The following SMTN variants were observed in gnomAD, a reference collection of about 807,000 sequenced individuals.
SMTN encodes smoothelin.
A neutral mutation model predicts 102.0 loss-of-function variants in SMTN; 58 were observed. That is an observed-to-expected ratio of 0.57 (90% CI 0.46 to 0.71). The LOEUF (loss-of-function observed/expected upper bound fraction) is 0.71, where lower values mean the gene tolerates loss of function less well. Among genes scored for constraint, SMTN ranks in the 30% least tolerant of loss-of-function variants. SMTN has a pLI of 0.00. For missense variants in SMTN, 1,185 were observed against 1,241.7 expected (o/e 0.95, Z 0.69); for synonymous variants, 478 against 497.9 (o/e 0.96, Z 0.53).
upstream of SMTN, among the ~76,000 whole-genome samples, chr22:31,078,356 T>C (rs1304257045): frequency 6.6e-6 from 1 of 152,150 alleles, no homozygotes; most frequent in Non-Finnish European, 1.5e-5. Flanking sequence ...TGGAGCAAAA[T>C]ATTACCCCTA....
At chr22:31,078,804 G>A (rs2077235456), upstream of SMTN, among the ~76,000 whole-genome samples, 1 of 152,180 alleles carries the variant, frequency 6.6e-6, no homozygotes, top group African/African-American at 2.4e-5. Flanking sequence ...GCTTGAGCCA[G>A]GAGTTTGAGG....
rs776664016 is a variant in SMTN at position 31,090,036 on chromosome 22, G to A, written c.792+17G>A. 1.7e-5 allele frequency: 27 copies of A among 1,610,090 alleles called. No individual in the cohort carries two copies. Among genetic ancestry groups the A allele is most frequent in the Non-Finnish European group, 2.1e-5 (25 of 1,177,512 alleles). On this transcript the variant is annotated intron_variant, in intron 7 of 20. Coordinates refer to ENST00000333137, the MANE Select transcript of SMTN (RefSeq NM_134269.3). Reference sequence around the variant, plus strand: ...GTCAACAAGGTGAGTCTGGATGAGGGGCAGGGATGCCAGGCAAGTGAGCAG... The same window carrying A: ...GTCAACAAGGTGAGTCTGGATGAGGAGCAGGGATGCCAGGCAAGTGAGCAG...
At chr22:31,064,864 A>G (rs186261216) in intron 1 of SMTN, 24 of 152,324 alleles carry the variant, frequency 1.6e-4, no homozygotes, top group Admixed American at 1.4e-3. Context: ...GAACCAGGAA[A>G]TTAACACTGG....
Position 31,095,917 on chromosome 22 carries a change from C to G in SMTN, c.1861+308C>G. ...CAGTTGCCTCTCAAAGTACTGTCAA[C>G]GACTCCTTCCCTGAATCCAGATACT... On this transcript the variant is annotated intron_variant, in intron 13 of 20. Transcript: ENST00000333137. The surrounding 1 kb of genome is among the most constrained non-coding windows in gnomAD (Gnocchi z 4.1). The G allele has an allele frequency of 4.5e-6, 2 of 446,664 alleles. No individual in the cohort carries two copies. The highest frequency in any genetic ancestry group is 2.3e-5 in the South Asian group (1 of 43,046). The allele number at this position is 446,664 out of a possible 1,614,324, so 27.7% of individuals were successfully genotyped here.
intron 3 of SMTN, 148 bp from the exon 4 acceptor site, chr22:31,088,365 A>G: frequency 2.5e-6 from 2 of 789,512 alleles, no homozygotes; most frequent in Admixed American, 2.3e-5. Flanking sequence ...CCATGGGCAT[A>G]TGTGTATCAG....
chr22:31,087,031 C>A (rs887384290), intron 2 of SMTN: 3 of 152,228 alleles, frequency 2.0e-5, no homozygotes, highest in Non-Finnish European at 2.9e-5. Flanking sequence ...TACTGGCTCC[C>A]GTCTGGTTAT....
chr22:31,078,957 C>T (rs910272476), upstream of SMTN, among the ~76,000 whole-genome samples: 1 of 152,138 alleles, frequency 6.6e-6, no homozygotes, highest in African/African-American at 2.4e-5. Flanking sequence ...CCAGAGCTTC[C>T]CCCATCCTAG....
chr22:31,070,848 C>T (rs563133276), intron 1 of SMTN, among the ~76,000 whole-genome samples: 3 of 150,032 alleles, frequency 2.0e-5, no homozygotes, highest in South Asian at 2.1e-4. Context: ...TGCTTGAACC[C>T]GGGAAGCAGA....
chr22:31,064,831 A>T (rs1382898051), intron 1 of SMTN: 3 of 152,190 alleles, frequency 2.0e-5, no homozygotes, highest in African/African-American at 7.2e-5. Flanking sequence ...GGAACATCTT[A>T]CCTCACCTTA....
intron 1 of SMTN, among the ~76,000 whole-genome samples, chr22:31,081,673 G>A (rs1015399790): frequency 6.6e-6 from 1 of 152,228 alleles, no homozygotes; most frequent in Non-Finnish European, 1.5e-5. Flanking sequence ...AGTCTGTGGC[G>A]GCAGAAACCC....
chr22:31,103,924 G>T (rs534465060), intron 20 of SMTN: 1 of 213,656 alleles, frequency 4.7e-6, no homozygotes, highest in East Asian at 1.1e-4. Flanking sequence ...AGCCCATCTG[G>T]GTGCAAAGGC....
At chr22:31,087,828 A>G in intron 2 of SMTN, 137 bp from the exon 3 acceptor site, 2 of 916,518 alleles carry the variant, frequency 2.2e-6, no homozygotes, top group East Asian at 2.8e-5. Flanking sequence ...CTGCGTGGGC[A>G]GGCAGGCACG....
In SMTN at chr22:31,090,885, A is replaced by T. The variant is rs1298765408; in HGVS notation, c.937+6A>T. On this transcript the variant is annotated splice_donor_region_variant and intron_variant, in intron 9 of 20. Coordinates refer to ENST00000333137, the MANE Select transcript of SMTN (RefSeq NM_134269.3). ...CCAACCAGCCCAGAACCGAGGTACT[A>T]CCTATTCTCACCCTGCCTAGGATCT... 6.2e-7 allele frequency: 1 copy of T among 1,613,568 alleles called. No homozygotes were observed. Among genetic ancestry groups the T allele is most frequent in the Non-Finnish European group, 8.5e-7 (1 of 1,179,790 alleles).
intron 10 of SMTN, 53 bp from the exon 11 acceptor site, chr22:31,091,622 C>A: frequency 6.5e-7 from 1 of 1,537,076 alleles, no homozygotes; most frequent in Non-Finnish European, 8.8e-7. Context: ...CCTTGTCTGG[C>A]ACTGCCCTCA....
At chr22:31,087,795 G>A (rs1223541033) in intron 2 of SMTN, 170 bp from the exon 3 acceptor site, 3 of 597,572 alleles carry the variant, frequency 5.0e-6, no homozygotes, top group East Asian at 3.0e-5. Context: ...CTGAAACAGT[G>A]GGCTGGGTCT....
intron 1 of SMTN, among the ~76,000 whole-genome samples, chr22:31,076,304 G>T (rs1482948459): frequency 6.6e-6 from 1 of 152,208 alleles, no homozygotes; most frequent in African/African-American, 2.4e-5. Flanking sequence ...CTCTGAATTG[G>T]ACACTGCGTG....
chr22:31,081,752 G>A (rs1325994838), intron 1 of SMTN, among the ~76,000 whole-genome samples: 2 of 152,224 alleles, frequency 1.3e-5, no homozygotes, highest in Admixed American at 6.5e-5. Flanking sequence ...GTGACAGGGA[G>A]ATTGGAGAAG....
chr22:31,075,533 T>A (rs1244562388), intron 1 of SMTN, among the ~76,000 whole-genome samples: 1 of 151,876 alleles, frequency 6.6e-6, no homozygotes, highest in Non-Finnish European at 1.5e-5. Flanking sequence ...ATACAAAAAT[T>A]AGCCAGGCGT....
At chr22:31,085,076 G>A in intron 2 of SMTN, 1 of 1,533,808 alleles carries the variant, frequency 6.5e-7, no homozygotes, top group African/African-American at 1.4e-5. Flanking sequence ...GCCGGGGATG[G>A]GAGGAATGGG....
Sources: gnomAD v4.1 joint callset for allele counts (sites outside exome capture counted in the v4.1 genomes callset) on GRCh38, gnomAD v4.1.1 for gene constraint, Gnocchi (gnomAD v3.1) non-coding constraint, MANE v1.5 for transcripts, NCBI Gene and HGNC (gene_info 2026-07-23, HGNC 2026-07-21) for gene names.